The following EEF2K variants were observed in gnomAD, a reference collection of about 807,000 sequenced individuals.
EEF2K encodes the protein alternative protein EEF2K.
A neutral mutation model predicts 93.8 loss-of-function variants in EEF2K; 70 were observed. That is an observed-to-expected ratio of 0.75 (90% CI 0.62 to 0.91). The LOEUF is 0.91. Among genes scored for constraint, EEF2K ranks in the 40% least tolerant of loss-of-function variants. The pLI, the probability that EEF2K is intolerant of heterozygous loss-of-function variation, is 0.00. For missense variants in EEF2K, 935 were observed against 972.9 expected, an observed-to-expected ratio of 0.96 and a Z score of 0.52; for synonymous variants, 376 against 380.8, an observed-to-expected ratio of 0.99 and a Z score of 0.15.
At chr16:22,265,879 G>T (rs1225061366) in intron 13 of EEF2K, among the ~76,000 whole-genome samples, 1 of 152,176 alleles carries the variant, frequency 6.6e-6, no homozygotes, top group Non-Finnish European at 1.5e-5. Flanking sequence ...TTGCTGGAAG[G>T]TCTGAAGTGG....
chr16:22,255,227 G>A (rs2047387978), intron 6 of EEF2K, among the ~76,000 whole-genome samples: 1 of 152,150 alleles, frequency 6.6e-6, no homozygotes, highest in Admixed American at 6.6e-5. Flanking sequence ...TTACTGTAAG[G>A]CATAGTCTAA....
chr16:22,266,221 CAA>C (rs371101977), intron 13 of EEF2K, among the ~76,000 whole-genome samples, 167 bp from the exon 14 acceptor site: 5 of 123,118 alleles, frequency 4.1e-5, no homozygotes, highest in Non-Finnish European at 5.2e-5. Context: ...GACTCTGTCT[CAA>C]AAAAAAAAAA....
chr16:22,249,815 CTT>C, intron 4 of EEF2K, among the ~76,000 whole-genome samples: 1 of 150,906 alleles, frequency 6.6e-6, no homozygotes, highest in East Asian at 2.0e-4. Context: ...GAGTTTTGCT[CTT>C]GTTGCCCAGG....
chr16:22,241,415 C>T (rs912724440), intron 2 of EEF2K, among the ~76,000 whole-genome samples: 10 of 151,986 alleles, frequency 6.6e-5, no homozygotes, highest in African/African-American at 2.4e-4. Flanking sequence ...GAGGCCAAGG[C>T]GGGTGGATCA....
intron 2 of EEF2K, among the ~76,000 whole-genome samples, chr16:22,229,705 AAAG>A (rs1336875679): frequency 6.6e-6 from 1 of 152,158 alleles, no homozygotes; most frequent in African/African-American, 2.4e-5. Context: ...CATCTCAAAA[AAAG>A]AAGAGGGGGA....
At chr16:22,237,763 C>A (rs2047181849) in intron 2 of EEF2K, among the ~76,000 whole-genome samples, 1 of 152,182 alleles carries the variant, frequency 6.6e-6, no homozygotes, top group Non-Finnish European at 1.5e-5. Flanking sequence ...TGAGCAACTT[C>A]TTATCCCTTT....
chr16:22,241,503 G>A (rs2047221334), intron 2 of EEF2K, among the ~76,000 whole-genome samples: 1 of 151,786 alleles, frequency 6.6e-6, no homozygotes, highest in Non-Finnish European at 1.5e-5. Flanking sequence ...AAATTAGCCA[G>A]GCATGTTGGC....
At chr16:22,273,908 T>TTCA (rs1567289432) in intron 16 of EEF2K, among the ~76,000 whole-genome samples, 158 bp downstream of exon 16, 1 of 152,188 alleles carries the variant, frequency 6.6e-6, no homozygotes, top group Non-Finnish European at 1.5e-5. Flanking sequence ...CCTCAGTTTC[T>TTCA]TCATATTGTA....
chr16:22,244,743 T>C lies in EEF2K; in HGVS notation c.347+13T>C. The stretch of plus-strand genomic sequence containing the variant: ...CTACTCGACACAGGTCAGCAGCTTG[T>C]GTGGGGTCTCGAGGAGTCCTGGGGG... On this transcript the variant is annotated intron_variant, in intron 3 of 17. Coordinates refer to ENST00000263026, the MANE Select transcript of EEF2K (RefSeq NM_013302.5). The C allele has an allele frequency of 6.2e-7, 1 of 1,613,558 alleles. No individual in the cohort carries two copies. The highest frequency in any genetic ancestry group is 1.1e-5 in the South Asian group (1 of 91,058).
intron 6 of EEF2K, among the ~76,000 whole-genome samples, chr16:22,251,555 G>A (rs562764284): frequency 1.3e-5 from 2 of 152,056 alleles, no homozygotes; most frequent in African/African-American, 4.8e-5. Context: ...CCAGTAGCTG[G>A]GATTACATAC....
At chr16:22,269,378 C>T (rs534489635) in intron 15 of EEF2K, among the ~76,000 whole-genome samples, 1 of 152,034 alleles carries the variant, frequency 6.6e-6, no homozygotes, top group Non-Finnish European at 1.5e-5. Context: ...TTAGGGCCCA[C>T]CTAACATCCA....
chr16:22,284,220 T>TG lies in EEF2K; in HGVS notation c.*228dup. ...CTCTTAGGGCAGTATTTTGGGGAAG[T>TG]GGGGCTTGAAGAAGCAGCCTAATGA... On this transcript the variant is annotated 3_prime_UTR_variant, in exon 18 of 18. Coordinates refer to ENST00000263026, the MANE Select transcript of EEF2K (RefSeq NM_013302.5). 1 of 517,842 alleles carries TG rather than the reference T, an allele frequency of 1.9e-6. No homozygotes were observed. Among genetic ancestry groups the TG allele is most frequent in the Non-Finnish European group, 3.5e-6 (1 of 288,082 alleles). 32.1% of individuals were successfully genotyped at this position (517,842 alleles called of 1,614,324 possible).
intron 4 of EEF2K, 84 bp downstream of exon 4, chr16:22,248,899 C>A: frequency 7.5e-7 from 1 of 1,339,782 alleles, no homozygotes. Flanking sequence ...CCTTCTCTCC[C>A]ACTCCCACTT....
chr16:22,216,351 G>C (rs1032657201), intron 1 of EEF2K, among the ~76,000 whole-genome samples: 1 of 152,232 alleles, frequency 6.6e-6, no homozygotes, highest in African/African-American at 2.4e-5. Flanking sequence ...GGAGAGTCCA[G>C]TGTAGCACCT....
intron 13 of EEF2K, 68 bp from the exon 14 acceptor site, chr16:22,266,322 C>T: frequency 1.3e-6 from 2 of 1,552,712 alleles, no homozygotes; most frequent in East Asian, 2.3e-5. Context: ...GTAGTAGGGG[C>T]TGCTGACAGC....
At chr16:22,269,679 G>A (rs1471674854) in intron 15 of EEF2K, among the ~76,000 whole-genome samples, 2 of 152,130 alleles carry the variant, frequency 1.3e-5, no homozygotes, top group Admixed American at 6.6e-5. Flanking sequence ...TGGGATTACA[G>A]GCATAAGCCA....
At chr16:22,217,180 A>T (rs1340294197) in intron 1 of EEF2K, among the ~76,000 whole-genome samples, 1 of 149,828 alleles carries the variant, frequency 6.7e-6, no homozygotes, top group Non-Finnish European at 1.5e-5. Context: ...AAAAAAAAAA[A>T]AAAGAATCAG....
At chr16:22,218,748 G>A (rs1203080589) in intron 1 of EEF2K, among the ~76,000 whole-genome samples, 2 of 152,032 alleles carry the variant, frequency 1.3e-5, no homozygotes, top group African/African-American at 4.8e-5. Context: ...AGGCTCAAGA[G>A]GTGAAGTCAC....
chr16:22,256,843 G>A lies in EEF2K; in HGVS notation c.714G>A (p.Lys238=). ...ACTACATCGAGGGCAAGTACATCAAGTACAACTCCAACTCTGGCTTTGTCC... is the reference window on the plus strand; with the variant it reads ...ACTACATCGAGGGCAAGTACATCAAATACAACTCCAACTCTGGCTTTGTCC... ...LEHYIEGKYI[K]YNSNSGFVRD... The change falls in exon 7 of 18, where the codon AAG becomes AAA. Residue 238 remains lysine, a synonymous_variant. Coordinates refer to ENST00000263026, the MANE Select transcript of EEF2K (RefSeq NM_013302.5). The A allele has an allele frequency of 6.2e-7, 1 of 1,614,210 alleles. No homozygotes were observed. The highest frequency in any genetic ancestry group is 8.5e-7 in the Non-Finnish European group (1 of 1,180,050).
Sources: allele counts gnomAD v4.1 joint callset (sites outside exome capture counted in the v4.1 genomes callset), GRCh38; gene constraint gnomAD v4.1.1; transcripts MANE v1.5; gene names NCBI Gene and HGNC (gene_info 2026-07-23, HGNC 2026-07-21).